NLRC4: variants seen among roughly 807,000 people sequenced by gnomAD.
NLRC4 encodes the protein NLR family CARD domain-containing protein 4.
NLRC4 carries 63 observed loss-of-function variants against 79.9 expected under a neutral mutation model. The observed-to-expected ratio is 0.79, with a 90% CI of 0.64 to 0.97. The LOEUF (loss-of-function observed/expected upper bound fraction) is 0.97. Ranked by LOEUF, NLRC4 falls within the 50% of genes least tolerant of loss-of-function variation. The pLI, the probability that NLRC4 is intolerant of heterozygous loss-of-function variation, is 0.00. For missense variants in NLRC4, 1,074 were observed against 1,215.2 expected (o/e 0.88, Z 1.73); for synonymous variants, 461 against 456.5 (o/e 1.01, Z -0.12).
chr2:32,231,404 C>G (rs1686529474), intron 8 of NLRC4, among the ~76,000 whole-genome samples: 1 of 152,032 alleles, frequency 6.6e-6, no homozygotes, highest in Non-Finnish European at 1.5e-5. Context: ...ATCCACCTGC[C>G]TCAACCTCCC....
chr2:32,247,730 C>G (rs1224914189), intron 4 of NLRC4, among the ~76,000 whole-genome samples: 1 of 152,006 alleles, frequency 6.6e-6, no homozygotes, highest in Non-Finnish European at 1.5e-5. Flanking sequence ...CTATGGCTCC[C>G]AATCTAACAG....
intron 1 of NLRC4, among the ~76,000 whole-genome samples, chr2:32,261,066 G>C (rs1201758639): frequency 1.3e-5 from 2 of 151,232 alleles, no homozygotes; most frequent in Admixed American, 6.6e-5. Context: ...GGTGGTGGGC[G>C]CCTGTAGTCC....
intron 1 of NLRC4, among the ~76,000 whole-genome samples, chr2:32,258,227 T>C (rs1391846673): frequency 6.6e-6 from 1 of 152,156 alleles, no homozygotes; most frequent in Non-Finnish European, 1.5e-5. Flanking sequence ...CCGATGTCTG[T>C]TGTGTGCTCT....
chr2:32,238,670 G>C (rs528536023), intron 5 of NLRC4, among the ~76,000 whole-genome samples: 3 of 151,502 alleles, frequency 2.0e-5, no homozygotes, highest in Admixed American at 6.6e-5. Context: ...ACAGCGGGGG[G>C]GCTGAGTTCA....
chr2:32,240,394 A>G (rs1686769942), intron 5 of NLRC4, among the ~76,000 whole-genome samples: 1 of 117,242 alleles, frequency 8.5e-6, no homozygotes, highest in African/African-American at 3.5e-5. Context: ...GTAGGGAAAA[A>G]AAGAGCCAAA....
At position 32,236,250 on chromosome 2, in the gene NLRC4, G is replaced by C. The variant is rs747644209; in HGVS notation, c.2611C>G (p.Leu871Val). Residue 871 changes from leucine (L) to valine (V), a missense_variant, in exon 7 of 9, where the codon CTG (leucine) becomes GTG (valine). By Grantham distance (32) the Leu-to-Val change is conservative. Transcript: ENST00000402280. ...EKDGNEALHE[L>V]IDRMNVLEQL... ...TTGGCTGAATTGTCATTCTTACTCA[G>C]TTCATGAAGAGCTTCATTTCCATCT... 6.3e-7 allele frequency: 1 copy of C among 1,593,414 alleles called. No individual in the cohort carries two copies. Among genetic ancestry groups the C allele is most frequent in the South Asian group, 1.1e-5 (1 of 89,898 alleles).
rs1201450581 is a variant in NLRC4, at chr2:32,250,789, G to T, written c.1075C>A (p.Gln359Lys). The change falls in exon 4 of 9, where the codon CAA becomes AAA. Residue 359 changes from glutamine to lysine, a missense_variant. Coordinates refer to ENST00000402280, the MANE Select transcript of NLRC4 (RefSeq NM_001199138.2). This position sits in a 1 kb window ranked among gnomAD's most constrained non-coding sequence, Gnocchi z 4.9. ...MGESEFHSHT[Q>K]TTLFHTFYDL... is the part of the protein sequence containing the mutation. ...TAGAAGGTATGGAACAGCGTTGTTTGTGTGTGAGAGTGGAACTCACTTTCA... is the reference window on the plus strand; with the variant it reads ...TAGAAGGTATGGAACAGCGTTGTTTTTGTGTGAGAGTGGAACTCACTTTCA... 6.2e-7 allele frequency: 1 copy of T among 1,613,998 alleles called. No homozygotes were observed. The highest frequency in any genetic ancestry group is 8.5e-7 in the Non-Finnish European group (1 of 1,179,974).
rs1408345856 is a variant in NLRC4 at position 32,250,796 on chromosome 2, A to T, written c.1068T>A (p.Ser356=). The change falls in exon 4 of 9, where the codon TCT becomes TCA. Residue 356 remains serine (S), a synonymous_variant. Coordinates refer to ENST00000402280, the MANE Select transcript of NLRC4 (RefSeq NM_001199138.2). The surrounding 1 kb of genome is among the most constrained non-coding windows in gnomAD (Gnocchi z 4.9). Reference sequence around the variant, plus strand: ...TATGGAACAGCGTTGTTTGTGTGTGAGAGTGGAACTCACTTTCACCCATCT... The same window carrying T: ...TATGGAACAGCGTTGTTTGTGTGTGTGAGTGGAACTCACTTTCACCCATCT... The part of the protein sequence containing the change: ...AIQMGESEFH[S]HTQTTLFHTF... 1.2e-6 allele frequency: 2 copies of T among 1,614,084 alleles called. No individual in the cohort carries two copies. The highest frequency in any genetic ancestry group is 1.7e-6 in the Non-Finnish European group (2 of 1,180,008).
intron 6 of NLRC4, among the ~76,000 whole-genome samples, chr2:32,237,451 T>C (rs1194609113): frequency 6.6e-6 from 1 of 152,220 alleles, no homozygotes; most frequent in Non-Finnish European, 1.5e-5. Flanking sequence ...CCAGTACTTA[T>C]CCAGCCTTTT....
At chr2:32,252,731 A>C (rs756671280) in intron 2 of NLRC4, 52 bp from the exon 3 acceptor site, 21 of 1,542,150 alleles carry the variant, frequency 1.4e-5, no homozygotes, top group African/African-American at 2.7e-5. Context: ...TAAAATGTGC[A>C]TATCCGGCTG....
At chr2:32,258,621 G>C (rs1463759707) in intron 1 of NLRC4, among the ~76,000 whole-genome samples, 3 of 152,250 alleles carry the variant, frequency 2.0e-5, no homozygotes, top group Non-Finnish European at 4.4e-5. Flanking sequence ...TGTACGCCAA[G>C]ATGAGGCATT....
At chr2:32,260,752 C>T (rs1558463740) in intron 1 of NLRC4, among the ~76,000 whole-genome samples, 1 of 152,114 alleles carries the variant, frequency 6.6e-6, no homozygotes, top group Non-Finnish European at 1.5e-5. Context: ...AACATAGTGC[C>T]GGCCAGATAG....
chr2:32,230,725 A>T (rs1038684427), intron 8 of NLRC4, among the ~76,000 whole-genome samples: 7 of 152,346 alleles, frequency 4.6e-5, no homozygotes, highest in African/African-American at 1.4e-4. Context: ...ACATGCTATT[A>T]TAAACATTAA....
intron 1 of NLRC4, among the ~76,000 whole-genome samples, chr2:32,259,033 T>C (rs748777274): frequency 4.4e-4 from 67 of 152,112 alleles, no homozygotes; most frequent in Non-Finnish European, 8.8e-4. Flanking sequence ...TTGTGGTATG[T>C]GAATGGAGTT....
intron 8 of NLRC4, among the ~76,000 whole-genome samples, chr2:32,229,136 G>A (rs760404574): frequency 6.6e-6 from 1 of 152,108 alleles, no homozygotes; most frequent in Non-Finnish European, 1.5e-5. Flanking sequence ...TTTTGTTAGA[G>A]CAGGTGAAAT....
chr2:32,242,077 T>G (rs1426949882), intron 4 of NLRC4, among the ~76,000 whole-genome samples: 1 of 152,136 alleles, frequency 6.6e-6, no homozygotes, highest in Admixed American at 6.5e-5. Context: ...CTCACTATGT[T>G]GCCCAGGCTG....
At chr2:32,225,214 A>G (rs1272405112) in intron 8 of NLRC4, among the ~76,000 whole-genome samples, 2 of 152,156 alleles carry the variant, frequency 1.3e-5, no homozygotes, top group Non-Finnish European at 1.5e-5. Context: ...AACTTGAGTA[A>G]GTGAGCCTCC....
At chr2:32,237,074 G>T (rs986649345) in intron 6 of NLRC4, among the ~76,000 whole-genome samples, 5 of 152,066 alleles carry the variant, frequency 3.3e-5, no homozygotes, top group African/African-American at 1.2e-4. Context: ...AAACTATTTT[G>T]CATGCAAACA....
chr2:32,233,349 A>ATATATATATATATATATATATATATATT (rs1418146489), intron 8 of NLRC4, among the ~76,000 whole-genome samples: 1 of 41,102 alleles, frequency 2.4e-5, no homozygotes, highest in Non-Finnish European at 4.4e-5. Flanking sequence ...ATATATATAT[A>ATATATATATATATATATATATATATATT]TTTTTTTTTT....
Sources: gnomAD v4.1 joint callset for allele counts (sites outside exome capture counted in the v4.1 genomes callset) on GRCh38, gnomAD v4.1.1 for gene constraint, Gnocchi (gnomAD v3.1) non-coding constraint, MANE v1.5 for transcripts, NCBI Gene and HGNC (gene_info 2026-07-23, HGNC 2026-07-21) for gene names.